NRDC: variants seen among roughly 807,000 people sequenced by gnomAD.
The protein encoded by NRDC is nardilysin.
In NRDC, 54 loss-of-function variants were observed where a neutral mutation model predicts 147.1. The observed-to-expected ratio is 0.37, with a 90% CI of 0.29 to 0.46. The LOEUF is 0.46. NRDC is among the 20% of genes least tolerant of loss of function. The pLI is 1.00. For synonymous variants in NRDC, 440 were observed against 482.1 expected (o/e 0.91, Z 1.14); for missense variants, 1,082 against 1,370.6 (o/e 0.79, Z 3.33).
chr1:51,789,804 A>G lies in NRDC; in HGVS notation c.3169-147T>C, dbSNP rs555002121. On this transcript the variant is annotated intron_variant, in intron 29 of 30. Coordinates refer to ENST00000352171, the MANE Select transcript of NRDC (RefSeq NM_001101662.2). ...TCTCAGGTTACCCCTAACCTTCCAG[A>G]CCAAAACGATGATGAAGCTCTCTGG... The G allele has an allele frequency of 1.1e-5, 7 of 620,194 alleles. No homozygotes were observed. In the East Asian group the frequency reaches 1.4e-4, roughly 12 times the overall value. 38.4% of individuals were successfully genotyped at this position (620,194 alleles called of 1,614,324 possible). A position where few individuals can be genotyped will look rare whatever the true frequency, so the allele number is the denominator to read the frequency against.
chr1:51,847,611 G>T (rs551502883), intron 1 of NRDC, among the ~76,000 whole-genome samples: 106 of 152,326 alleles, frequency 7.0e-4, no homozygotes, highest in Middle Eastern at 3.4e-3. Flanking sequence ...CTCCGCAGCT[G>T]CTGGCCTGGG....
intron 20 of NRDC, among the ~76,000 whole-genome samples, chr1:51,801,749 A>C (rs1679213720): frequency 6.6e-6 from 1 of 152,100 alleles, no homozygotes; most frequent in Non-Finnish European, 1.5e-5. Context: ...TCATTTTATC[A>C]GTTAATGTAA....
At chr1:51,853,888 G>A (rs1682109369) in intron 1 of NRDC, among the ~76,000 whole-genome samples, 1 of 152,110 alleles carries the variant, frequency 6.6e-6, no homozygotes, top group Admixed American at 6.5e-5. Context: ...ATTCCTCATG[G>A]AATAAAATCC....
Position 51,801,850 on chromosome 1 carries a change from C to T in NRDC, c.2314-1167G>A, listed in dbSNP as rs143952167. On this transcript the variant is annotated intron_variant, in intron 20 of 30. Coordinates refer to ENST00000352171, the MANE Select transcript of NRDC (RefSeq NM_001101662.2). ...TTGCCCAGGCTGGAATGCAGTGGCG[C>T]GATCTCGGCTCACTTCAAGCTCCGC... is the stretch of plus-strand genomic sequence containing the variant. Among the ~76,000 whole-genome samples, 1,094 of 152,004 alleles carry T rather than the reference C, an allele frequency of 7.2e-3. 9 individuals carry two copies. Among genetic ancestry groups the T allele is most frequent in the African/African-American group, 0.025 (1,017 of 41,428 alleles).
At chr1:51,848,686 T>A (rs79365198) in intron 1 of NRDC, among the ~76,000 whole-genome samples, 3,862 of 152,274 alleles carry the variant, frequency 0.025, 115 homozygotes, top group South Asian at 0.095. Flanking sequence ...AAGATTTTTT[T>A]AAAATCCCTT....
Position 51,878,117 on chromosome 1 carries a change from G to T in NRDC, c.341+158C>A, listed in dbSNP as rs1266303252. ...CTTGCCCAGCTGACACCACAGGGAA[G>T]CCTCTAATCACGCTTGCCACCTCCA... On this transcript the variant is annotated intron_variant, in intron 1 of 30. Coordinates refer to ENST00000352171, the MANE Select transcript of NRDC (RefSeq NM_001101662.2). 3.5e-6 allele frequency: 5 copies of T among 1,422,486 alleles called. No individual in the cohort carries two copies. In the East Asian group the frequency reaches 1.3e-4, roughly 36 times the overall value. The allele number at this position is 1,422,486 out of a possible 1,614,324, so 88.1% of individuals were successfully genotyped here.
At position 51,810,140 on chromosome 1, in the gene NRDC, T is replaced by C. The variant is rs1453462444; in HGVS notation, c.1903+141A>G. 3 of 514,544 alleles carry C rather than the reference T, an allele frequency of 5.8e-6. No individual in the cohort carries two copies. In the African/African-American group the frequency reaches 6.0e-5, roughly 10 times the overall value. The allele number at this position is 514,544 out of a possible 1,614,324, so 31.9% of individuals were successfully genotyped here. On this transcript the variant is annotated intron_variant, in intron 16 of 30. Transcript: ENST00000352171. ...CAGAAAATAACTTCCTGTGCAGTAG[T>C]ATAAGTAATTTTCATTTCAAAGTGA...
chr1:51,876,287 C>G (rs1683322644), intron 1 of NRDC, among the ~76,000 whole-genome samples: 1 of 152,062 alleles, frequency 6.6e-6, no homozygotes. Flanking sequence ...ATCCTTTATC[C>G]GAAACACTCG....
chr1:51,827,954 G>T, intron 4 of NRDC, 85 bp from the exon 5 acceptor site: 1 of 1,036,742 alleles, frequency 9.6e-7, no homozygotes, highest in Non-Finnish European at 1.5e-6. Flanking sequence ...AACTTACTAA[G>T]TTGGAGATTT....
At chr1:51,864,498 A>C (rs556392793) in intron 1 of NRDC, among the ~76,000 whole-genome samples, 1 of 152,218 alleles carries the variant, frequency 6.6e-6, no homozygotes, top group South Asian at 2.1e-4. Context: ...ATATACAAGT[A>C]CTTACTTAAT....
At chr1:51,841,077 C>T (rs915317571) in intron 1 of NRDC, among the ~76,000 whole-genome samples, 1 of 152,218 alleles carries the variant, frequency 6.6e-6, no homozygotes, top group Non-Finnish European at 1.5e-5. Flanking sequence ...AAATCCCCCA[C>T]AGACTGGTAG....
rs62639316 is a variant in NRDC, at chr1:51,840,415, C to T, written c.441G>A (p.Glu147=). Residue 147 remains glutamate (E), a synonymous_variant, in exon 2 of 31, where the codon GAG becomes GAA. Transcript: ENST00000352171. ...TGNTTDDEEE[E]EVEEEEEDDD... Reference sequence around the variant, plus strand: ...CATCTTCTTCTTCTTCCTCCACCTCCTCTTCTTCTTCATCATCTGTTGTAT... The same window carrying T: ...CATCTTCTTCTTCTTCCTCCACCTCTTCTTCTTCTTCATCATCTGTTGTAT... 1.3e-6 allele frequency: 2 copies of T among 1,594,748 alleles called. No individual in the cohort carries two copies. Among genetic ancestry groups the T allele is most frequent in the Non-Finnish European group, 8.6e-7 (1 of 1,162,710 alleles).
chr1:51,855,273 C>T (rs755528167), intron 1 of NRDC, among the ~76,000 whole-genome samples: 6 of 152,162 alleles, frequency 3.9e-5, no homozygotes, highest in Non-Finnish European at 7.3e-5. Context: ...CTACCTGGTC[C>T]TCTTTGCGTA....
chr1:51,808,548 C>T (rs1224675210), intron 17 of NRDC, among the ~76,000 whole-genome samples: 4 of 152,158 alleles, frequency 2.6e-5, no homozygotes, highest in Non-Finnish European at 5.9e-5. Flanking sequence ...GACATTTGGG[C>T]TGTTTCCATC....
chr1:51,818,107 C>T lies in NRDC; in HGVS notation c.1320G>A (p.Leu440=). The T allele has an allele frequency of 6.2e-7, 1 of 1,606,068 alleles. No individual in the cohort carries two copies. The highest frequency in any genetic ancestry group is 8.5e-7 in the Non-Finnish European group (1 of 1,177,846). ...GAGGAGGAAGTGCCCATGTGATGGTCAGAGCATGAATTTTTCTGATTGGAA... is the reference window on the plus strand; with the variant it reads ...GAGGAGGAAGTGCCCATGTGATGGTTAGAGCATGAATTTTTCTGATTGGAA... The part of the protein sequence containing the change: ...RVVPIRKIHA[L]TITWALPPQQ... The change falls in exon 10 of 31, where the codon CTG becomes CTA. Residue 440 remains leucine, a synonymous_variant. Transcript: ENST00000352171.
rs118090514 is a variant in NRDC at position 51,809,539 on chromosome 1, T to C, written c.1904-138A>G. ...CTGTGACTGACACATATCCAGGCAT[T>C]CTAGAATCGTGCTACTCAAAGTGTG... is the stretch of plus-strand genomic sequence containing the variant. On this transcript the variant is annotated intron_variant, in intron 16 of 30. Transcript: ENST00000352171. The C allele has an allele frequency of 2.7e-4, 189 of 692,468 alleles. 1 individual carries two copies. In the East Asian group the frequency reaches 4.8e-3, roughly 18 times the overall value. The allele number at this position is 692,468 out of a possible 1,614,324, so 42.9% of individuals were successfully genotyped here. A position where few individuals can be genotyped will look rare whatever the true frequency, so the allele number is the denominator to read the frequency against.
chr1:51,845,599 A>C (rs1358223874), intron 1 of NRDC, among the ~76,000 whole-genome samples: 2 of 151,444 alleles, frequency 1.3e-5, no homozygotes, highest in Non-Finnish European at 2.9e-5. Context: ...TCACAAAAAA[A>C]AGAAAAGAAA....
At chr1:51,799,349 AC>A (rs1679080953) in intron 21 of NRDC, among the ~76,000 whole-genome samples, 1 of 142,730 alleles carries the variant, frequency 7.0e-6, no homozygotes, top group Non-Finnish European at 1.5e-5. Flanking sequence ...CTCCCCCAGC[AC>A]CCCCACCCCC....
At chr1:51,848,413 G>A (rs909094351) in intron 1 of NRDC, among the ~76,000 whole-genome samples, 3 of 152,136 alleles carry the variant, frequency 2.0e-5, no homozygotes, top group South Asian at 2.1e-4. Context: ...CCCGGGAGGC[G>A]GAGCTTGCAG....
Sources: allele counts gnomAD v4.1 joint callset (sites outside exome capture counted in the v4.1 genomes callset), GRCh38; gene constraint gnomAD v4.1.1; transcripts MANE v1.5; gene names NCBI Gene and HGNC (gene_info 2026-07-23, HGNC 2026-07-21).